TRMO: variants seen among roughly 807,000 people sequenced by gnomAD.
TRMO encodes tRNA methyltransferase O, also known as tRNA (adenine(37)-N6)-methyltransferase.
Under a neutral mutation model 37.2 loss-of-function variants are expected in TRMO, and 30 were observed. The observed-to-expected ratio is 0.81, with a 90% CI of 0.60 to 1.09. The LOEUF (loss-of-function observed/expected upper bound fraction) is 1.09, where lower values mean the gene tolerates loss of function less well. Ranked by LOEUF, TRMO falls within the 50% of genes least tolerant of loss-of-function variation. The probability of loss-of-function intolerance (pLI) is 0.00; values close to 1 mark genes in which losing one functional copy is unlikely to be tolerated. For synonymous variants in TRMO, 239 were observed against 199.4 expected (o/e 1.20, Z -1.67); for missense variants, 552 against 549.5 (o/e 1.00, Z -0.05).
At chr9:97,918,458 T>G (rs1030730538) in intron 1 of TRMO, among the ~76,000 whole-genome samples, 1 of 152,024 alleles carries the variant, frequency 6.6e-6, no homozygotes, top group East Asian at 1.9e-4. Context: ...CCAGACACTA[T>G]CAATATAAAG....
At chr9:97,911,075 G>A (rs1826103169) in intron 3 of TRMO, 1 of 365,602 alleles carries the variant, frequency 2.7e-6, no homozygotes, top group Non-Finnish European at 5.5e-6. Context: ...ATATCTCTGT[G>A]GGACCAATGA....
intron 4 of TRMO, among the ~76,000 whole-genome samples, chr9:97,908,277 TGGC>T (rs1825948458): frequency 6.6e-6 from 1 of 152,168 alleles, no homozygotes; most frequent in South Asian, 2.1e-4. Flanking sequence ...CTGGGTGTGG[TGGC>T]GGGCGCCTGT....
rs1564107165 is a variant in TRMO at position 97,910,096 on chromosome 9, A to G, written c.930T>C (p.Pro310=). Residue 310 remains proline, a synonymous_variant, in exon 4 of 5, where the codon CCT becomes CCC. Coordinates refer to ENST00000375119, the MANE Select transcript of TRMO (RefSeq NM_016481.5). ...CATCAGCCCTTCCAGCAGGGCAGTG[A>G]GGGGCCATGGGCTGTGTCTCTGCCC... ...GSRAETQPMA[P]HCPAGRADGA... The G allele has an allele frequency of 6.2e-7, 1 of 1,614,086 alleles. No homozygotes were observed. The highest frequency in any genetic ancestry group is 8.5e-7 in the Non-Finnish European group (1 of 1,179,958).
At chr9:97,908,451 T>C (rs1232402914) in intron 4 of TRMO, among the ~76,000 whole-genome samples, 1 of 150,148 alleles carries the variant, frequency 6.7e-6, no homozygotes, top group Non-Finnish European at 1.5e-5. Flanking sequence ...TAGCCAGGTG[T>C]TGTGGTGCAC....
rs1490897528 is a variant in TRMO at position 97,904,981 on chromosome 9, C to G, written c.1078G>C (p.Ala360Pro). ...GQLSSQDVGQASFKYFQSAEE... is the reference protein window; with the variant it reads ...GQLSSQDVGQPSFKYFQSAEE... Reference sequence around the variant, plus strand: ...GCTGACTGAAAATATTTAAATGACGCCTGACCAACATCTGCAATGAAAAAA... The same window carrying G: ...GCTGACTGAAAATATTTAAATGACGGCTGACCAACATCTGCAATGAAAAAA... The change falls in exon 5 of 5, where the codon GCG (alanine) becomes CCG (proline). Residue 360 changes from alanine (A) to proline (P), a missense_variant. Ala to Pro is a conservative substitution (Grantham distance 27, BLOSUM62 -1). Coordinates refer to ENST00000375119, the MANE Select transcript of TRMO (RefSeq NM_016481.5). 6.2e-7 allele frequency: 1 copy of G among 1,612,612 alleles called. No individual in the cohort carries two copies. The highest frequency in any genetic ancestry group is 8.5e-7 in the Non-Finnish European group (1 of 1,178,878).
At position 97,910,480 on chromosome 9, in the gene TRMO, T is replaced by C. The variant is rs778989810; in HGVS notation, c.546A>G (p.Gln182=). Residue 182 remains glutamine, a synonymous_variant, in exon 4 of 5, where the codon CAA becomes CAG. Coordinates refer to ENST00000375119, the MANE Select transcript of TRMO (RefSeq NM_016481.5). ...ACTGGGACACAGTGTTTGGTGTATGTTGGTTATTCTGTAAATTAAAGTCTG... is the reference window on the plus strand; with the variant it reads ...ACTGGGACACAGTGTTTGGTGTATGCTGGTTATTCTGTAAATTAAAGTCTG... ...PLADFNLQNN[Q]HTPNTVSQSD... 2 of 1,614,186 alleles carry C rather than the reference T, an allele frequency of 1.2e-6. No individual in the cohort carries two copies. Among genetic ancestry groups the C allele is most frequent in the Non-Finnish European group, 1.7e-6 (2 of 1,180,038 alleles).
At position 97,922,427 on chromosome 9, in the gene TRMO, G is replaced by A; in HGVS notation, c.67C>T (p.Leu23=). The change falls in exon 1 of 5, where the codon CTG becomes TTG. Residue 23 remains leucine (L), a synonymous_variant. Transcript: ENST00000375119. ...CGGTGTTGGAAGTTACCTGTCTCCA[G>A]AGCCGGCTTAACGCAGCCGCACGGG... is the stretch of plus-strand genomic sequence containing the variant. The part of the protein sequence containing the change: ...ATPCGCVKPA[L]ETGNLLTEPV... The A allele has an allele frequency of 6.3e-7, 1 of 1,582,762 alleles. No homozygotes were observed. Among genetic ancestry groups the A allele is most frequent in the Non-Finnish European group, 8.6e-7 (1 of 1,164,204 alleles).
chr9:97,898,234 T>C, the TRMO span, among the ~76,000 whole-genome samples: 3 of 152,108 alleles, frequency 2.0e-5, no homozygotes, highest in South Asian at 4.2e-4. Flanking sequence ...CTTCTGTGAA[T>C]TGCATCTGCT....
the TRMO span, among the ~76,000 whole-genome samples, chr9:97,898,942 C>T: frequency 1.4e-5 from 2 of 145,714 alleles, no homozygotes; most frequent in African/African-American, 5.1e-5. Context: ...CAGGTTCACG[C>T]CATTCTCCTG....
rs776472704 is a variant in TRMO, at chr9:97,913,394, G to C, written c.409+7C>G. 6.2e-7 allele frequency: 1 copy of C among 1,613,712 alleles called. No homozygotes were observed. The highest frequency in any genetic ancestry group is 1.1e-5 in the South Asian group (1 of 91,072). On this transcript the variant is annotated splice_region_variant and intron_variant, in intron 3 of 4. Coordinates refer to ENST00000375119, the MANE Select transcript of TRMO (RefSeq NM_016481.5). ...AAAAAGGTAAAAGTAGAAATGAAAT[G>C]GGTTACCTTCTACCTTTTCCAGCTT...
chr9:97,898,224 C>A, the TRMO span, among the ~76,000 whole-genome samples: 1 of 152,184 alleles, frequency 6.6e-6, no homozygotes, highest in Admixed American at 6.5e-5. Context: ...AACCTTGAAC[C>A]TTCTGTGAAT....
intron 2 of TRMO, chr9:97,915,722 G>T (rs1826325852): frequency 6.6e-6 from 1 of 152,358 alleles, no homozygotes; most frequent in Non-Finnish European, 1.5e-5. Flanking sequence ...TATCTCAATT[G>T]ATTGTTCACA....
chr9:97,907,725 T>C (rs541566298), intron 4 of TRMO, among the ~76,000 whole-genome samples: 1 of 152,220 alleles, frequency 6.6e-6, no homozygotes, highest in African/African-American at 2.4e-5. Context: ...CTCAAGTCCT[T>C]ACAATGGCCT....
In TRMO at chr9:97,916,164, C is replaced by T. The variant is rs770111175; in HGVS notation, c.251G>A (p.Trp84Ter). 7 of 1,580,354 alleles carry T rather than the reference C, an allele frequency of 4.4e-6. No homozygotes were observed. The highest frequency in any genetic ancestry group is 6.0e-6 in the Non-Finnish European group (7 of 1,165,310). ...LMGLEQFSHV[W>*]ILFVFHKNGH... ...TACATCTAACTATAAAGCAACTTAC[C>T]AAACATGAGAAAACTGTTCTAGGCC... Residue 84 changes from tryptophan to a stop codon, truncating the protein, a stop_gained and splice_region_variant, in exon 2 of 5, where the codon TGG becomes TAG. Coordinates refer to ENST00000375119, the MANE Select transcript of TRMO (RefSeq NM_016481.5). LOFTEE classifies it high-confidence loss of function.
intron 1 of TRMO, among the ~76,000 whole-genome samples, chr9:97,920,031 AT>A (rs1319907625): frequency 6.6e-6 from 1 of 152,230 alleles, no homozygotes; most frequent in African/African-American, 2.4e-5. Flanking sequence ...GCTATGAAAT[AT>A]AAATGCTATT....
chr9:97,899,977 A>G (rs1396247734), downstream of TRMO, among the ~76,000 whole-genome samples: 1 of 152,122 alleles, frequency 6.6e-6, no homozygotes, highest in Non-Finnish European at 1.5e-5. Flanking sequence ...GGATCACTTG[A>G]GCCTGGGAGG....
chr9:97,916,660 T>C (rs1471566226), intron 1 of TRMO, among the ~76,000 whole-genome samples: 2 of 151,198 alleles, frequency 1.3e-5, no homozygotes, highest in African/African-American at 4.9e-5. Context: ...ATGCTACCAA[T>C]ACTAAGTCAT....
chr9:97,917,788 CG>C (rs1826439301), intron 1 of TRMO, among the ~76,000 whole-genome samples: 1 of 151,840 alleles, frequency 6.6e-6, no homozygotes, highest in African/African-American at 2.4e-5. Context: ...AAGCGACTCT[CG>C]TGCCTCAGTC....
chr9:97,900,116 T>G (rs1190073586), downstream of TRMO, among the ~76,000 whole-genome samples: 1 of 152,130 alleles, frequency 6.6e-6, no homozygotes, highest in Non-Finnish European at 1.5e-5. Context: ...AGGGACCCCC[T>G]AGATCCCCCT....
Sources: allele counts gnomAD v4.1 joint callset (sites outside exome capture counted in the v4.1 genomes callset), GRCh38; gene constraint gnomAD v4.1.1; transcripts MANE v1.5; gene names NCBI Gene and HGNC (gene_info 2026-07-23, HGNC 2026-07-21).